Variants in XPR1 observed in about 807,000 individuals in gnomAD.
XPR1 encodes xenotropic and polytropic retrovirus receptor 1.
Under a neutral mutation model 87.5 loss-of-function variants are expected in XPR1, and 28 were observed. The ratio of observed to expected loss-of-function variants is 0.32; its 90% CI spans 0.24 to 0.44. XPR1 has a LOEUF of 0.44. Among genes scored for constraint, XPR1 ranks in the 20% least tolerant of loss-of-function variants. The pLI is 1.00. For synonymous variants in XPR1, 300 were observed against 306.1 expected (o/e 0.98, Z 0.21); for missense variants, 559 against 862.3 (o/e 0.65, Z 4.41).
intron 1 of XPR1, among the ~76,000 whole-genome samples, chr1:180,633,921 G>T (rs752710142): frequency 2.6e-5 from 4 of 152,210 alleles, no homozygotes; most frequent in Non-Finnish European, 5.9e-5. Context: ...AGCATGGAAT[G>T]CTTTGGGCAG....
intron 2 of XPR1, among the ~76,000 whole-genome samples, chr1:180,718,850 G>C (rs991783922): frequency 6.6e-6 from 1 of 151,936 alleles, no homozygotes; most frequent in South Asian, 2.1e-4. Context: ...TGTATTTTTA[G>C]TAGAGACGAG....
intron 2 of XPR1, among the ~76,000 whole-genome samples, chr1:180,752,734 T>A (rs1486613798): frequency 6.6e-6 from 1 of 152,190 alleles, no homozygotes; most frequent in Non-Finnish European, 1.5e-5. Context: ...ATGTTTTGGT[T>A]GTACAGTAAA....
At chr1:180,718,890 A>G (rs371570204) in intron 2 of XPR1, among the ~76,000 whole-genome samples, 91 of 152,154 alleles carry the variant, frequency 6.0e-4, no homozygotes, top group African/African-American at 2.1e-3. Context: ...GCTGGTCTCA[A>G]TCTCCTGACC....
chr1:180,657,741 T>C (rs1038218428), intron 1 of XPR1, among the ~76,000 whole-genome samples: 16 of 152,202 alleles, frequency 1.1e-4, no homozygotes, highest in Admixed American at 2.0e-4. Context: ...CCAGTTTTCT[T>C]TTTGCTCAGG....
chr1:180,846,451 T>C (rs961333468), intron 11 of XPR1, among the ~76,000 whole-genome samples: 6 of 138,652 alleles, frequency 4.3e-5, no homozygotes, highest in African/African-American at 1.0e-4. Context: ...ATTTATTTAT[T>C]TTTTTTTTGA....
At chr1:180,827,153 C>CAAAAAAAAAAAAAA (rs11324246) in intron 9 of XPR1, among the ~76,000 whole-genome samples, 45 of 66,906 alleles carry the variant, frequency 6.7e-4, no homozygotes, top group African/African-American at 2.7e-3. Context: ...GACTCCTTCT[C>CAAAAAAAAAAAAAA]AAAAAAAAAA....
chr1:180,684,932 CAG>C (rs1236909730), intron 2 of XPR1, among the ~76,000 whole-genome samples: 1 of 152,168 alleles, frequency 6.6e-6, no homozygotes, highest in African/African-American at 2.4e-5. Context: ...CATCTGCAAA[CAG>C]GGACAATTTG....
chr1:180,771,216 G>A (rs960369483), intron 2 of XPR1, among the ~76,000 whole-genome samples: 3 of 151,848 alleles, frequency 2.0e-5, no homozygotes, highest in East Asian at 1.9e-4. Context: ...TTACCCTATC[G>A]TATGAATTAA....
intron 1 of XPR1, among the ~76,000 whole-genome samples, chr1:180,641,876 C>G (rs750161401): frequency 6.6e-6 from 1 of 152,118 alleles, no homozygotes; most frequent in Non-Finnish European, 1.5e-5. Flanking sequence ...TAAGGCTTAT[C>G]ATTGCTGTAT....
rs1349208607 is a variant in XPR1 at position 180,863,753 on chromosome 1, T to C, written c.1547T>C (p.Val516Ala). Residue 516 changes from valine (V) to alanine (A), a missense_variant, in exon 12 of 15, where the codon GTC (valine) becomes GCC (alanine). Physicochemically the swap from Val to Ala is moderately conservative, Grantham distance 64. Coordinates refer to ENST00000367590, the MANE Select transcript of XPR1 (RefSeq NM_004736.4). ...ATGGTGTTCTTTTACCTGTGGATTG[T>C]CTTTTATATCATCAGTTCCTGCTAT... ...DTMVFFYLWI[V>A]FYIISSCYTL... 2 of 1,608,460 alleles carry C rather than the reference T, an allele frequency of 1.2e-6. No individual in the cohort carries two copies. Among genetic ancestry groups the C allele is most frequent in the Admixed American group, 3.4e-5 (2 of 58,772 alleles).
intron 2 of XPR1, among the ~76,000 whole-genome samples, chr1:180,716,895 T>C (rs1193907863): frequency 6.6e-6 from 1 of 152,234 alleles, no homozygotes; most frequent in Non-Finnish European, 1.5e-5. Flanking sequence ...AAGTGAACCC[T>C]CCTTAAATGG....
At chr1:180,879,597 T>C (rs1353474859) in intron 13 of XPR1, among the ~76,000 whole-genome samples, 1 of 152,230 alleles carries the variant, frequency 6.6e-6, no homozygotes, top group Admixed American at 6.5e-5. Flanking sequence ...AGGTTTTCAA[T>C]AGCTGCCATG....
At chr1:180,649,454 A>G (rs1044001489) in intron 1 of XPR1, among the ~76,000 whole-genome samples, 56 of 152,164 alleles carry the variant, frequency 3.7e-4, no homozygotes, top group African/African-American at 1.3e-3. Context: ...AACAAAAACA[A>G]AGAATTAAAG....
At chr1:180,832,755 G>A (rs576088118) in intron 9 of XPR1, among the ~76,000 whole-genome samples, 1 of 152,124 alleles carries the variant, frequency 6.6e-6, no homozygotes, top group African/African-American at 2.4e-5. Flanking sequence ...TGCTGTTTTG[G>A]TTACTGTAGC....
intron 1 of XPR1, among the ~76,000 whole-genome samples, chr1:180,660,761 C>T (rs959800601): frequency 2.1e-5 from 3 of 142,676 alleles, no homozygotes; most frequent in Non-Finnish European, 3.1e-5. Flanking sequence ...ATTTTGTGGC[C>T]TAACATATGG....
intron 2 of XPR1, among the ~76,000 whole-genome samples, chr1:180,733,055 A>G (rs1658610445): frequency 2.0e-5 from 3 of 152,076 alleles, no homozygotes; most frequent in African/African-American, 7.2e-5. Context: ...ATGTCGGTGC[A>G]TTCCTCTCGA....
At chr1:180,803,017 G>A (rs772617447) in intron 3 of XPR1, among the ~76,000 whole-genome samples, 3 of 152,108 alleles carry the variant, frequency 2.0e-5, no homozygotes, top group Non-Finnish European at 4.4e-5. Flanking sequence ...TTTCCTGTGA[G>A]CATATGTTTT....
intron 5 of XPR1, 103 bp downstream of exon 5, chr1:180,806,314 G>GA (rs1649989806): frequency 6.6e-7 from 1 of 1,520,964 alleles, no homozygotes; most frequent in Admixed American, 1.9e-5. Flanking sequence ...TGCTAGCTTT[G>GA]AATATATATG....
At chr1:180,664,727 C>T (rs1295710583) in intron 1 of XPR1, among the ~76,000 whole-genome samples, 5 of 152,172 alleles carry the variant, frequency 3.3e-5, no homozygotes, top group African/African-American at 1.2e-4. Context: ...CTAAGAGTTG[C>T]AGTCCTTGTG....
Sources: allele counts gnomAD v4.1 joint callset (sites outside exome capture counted in the v4.1 genomes callset), GRCh38; gene constraint gnomAD v4.1.1; transcripts MANE v1.5; gene names NCBI Gene and HGNC (gene_info 2026-07-23, HGNC 2026-07-21).